CRISP1: variants seen among roughly 807,000 people sequenced by gnomAD.
CRISP1 encodes cysteine-rich secretory protein 1.
A neutral mutation model predicts 33.1 loss-of-function variants in CRISP1; 44 were observed. The ratio of observed to expected loss-of-function variants is 1.33; its 90% CI spans 1.05 to 1.71. The LOEUF is 1.71. CRISP1 is among the 40% of genes most tolerant of loss of function. CRISP1 has a pLI of 0.00. For synonymous variants in CRISP1, 103 were observed against 98.7 expected, an observed-to-expected ratio of 1.04 and a Z score of -0.26; for missense variants, 390 against 301.2, an observed-to-expected ratio of 1.29 and a Z score of -2.18.
At chr6:49,842,011 C>A (rs893880621) in intron 5 of CRISP1, among the ~76,000 whole-genome samples, 3 of 152,142 alleles carry the variant, frequency 2.0e-5, no homozygotes, top group African/African-American at 7.2e-5. Flanking sequence ...GTCCTAGAGA[C>A]TTTCCTCACA....
chr6:49,856,446 G>T lies in CRISP1; in HGVS notation c.66+889C>A, dbSNP rs559432222. 3.3e-5 allele frequency among the ~76,000 whole-genome samples: 5 copies of T among 152,134 alleles called. 1 individual carries two copies. Among genetic ancestry groups the T allele is most frequent in the Non-Finnish European group, 7.3e-5 (5 of 68,030 alleles). On this transcript the variant is annotated intron_variant, in intron 2 of 7. Coordinates refer to ENST00000335847, the MANE Select transcript of CRISP1 (RefSeq NM_001131.3). The stretch of plus-strand genomic sequence containing the variant: ...CTTATTCAGGACTCTAATTCAGGAC[G>T]CTAATTCCAGCTTACTGGAGGATTA...
At position 49,846,664 on chromosome 6, in the gene CRISP1, G is replaced by T; in HGVS notation, c.291C>A (p.Thr97=). ...TCATATGCATATTTTCTCCACAAAAGGTATCTGAAATGAGAAAACGGGCTG... is the reference window on the plus strand; with the variant it reads ...TCATATGCATATTTTCTCCACAAAATGTATCTGAAATGAGAAAACGGGCTG... ...SNPLERRLPN[T]FCGENMHMTS... The change falls in exon 5 of 8, where the codon ACC becomes ACA. Residue 97 remains threonine (T), a synonymous_variant. Transcript: ENST00000335847. 3 of 1,612,956 alleles carry T rather than the reference G, an allele frequency of 1.9e-6. No homozygotes were observed. Among genetic ancestry groups the T allele is most frequent in the Non-Finnish European group, 2.5e-6 (3 of 1,179,418 alleles).
At position 49,846,722 on chromosome 6, in the gene CRISP1, C is replaced by A; in HGVS notation, c.287-54G>T. 13 of 1,531,244 alleles carry A rather than the reference C, an allele frequency of 8.5e-6. No individual in the cohort carries two copies. In the South Asian group the frequency reaches 1.6e-4, roughly 19 times the overall value. The allele number at this position is 1,531,244 out of a possible 1,614,324, so 94.9% of individuals were successfully genotyped here. A position where few individuals can be genotyped will look rare whatever the true frequency, so the allele number is the denominator to read the frequency against. ...CTCTGAACAAATGGGAAATAGTATA[C>A]AAGGAGACTTTCCTCATTTTTATTT... On this transcript the variant is annotated intron_variant, in intron 4 of 7. Coordinates refer to ENST00000335847, the MANE Select transcript of CRISP1 (RefSeq NM_001131.3).
chr6:49,864,483 C>T lies in CRISP1; in HGVS notation c.-3+1946G>A, dbSNP rs572338187. Among the ~76,000 whole-genome samples, 6 of 151,154 alleles carry T rather than the reference C, an allele frequency of 4.0e-5. No individual in the cohort carries two copies. In the East Asian group the frequency reaches 1.2e-3, roughly 29 times the overall value. On this transcript the variant is annotated intron_variant, in intron 1 of 7. Coordinates refer to ENST00000335847, the MANE Select transcript of CRISP1 (RefSeq NM_001131.3). Reference sequence around the variant, plus strand: ...ATTGGGCTGTATGGTATACACATGTCTTCCTTTGGTAGGTATTGTCAAATA... The same window carrying T: ...ATTGGGCTGTATGGTATACACATGTTTTCCTTTGGTAGGTATTGTCAAATA...
chr6:49,842,810 G>C (rs929920217), intron 5 of CRISP1, among the ~76,000 whole-genome samples: 1 of 152,066 alleles, frequency 6.6e-6, no homozygotes, highest in Non-Finnish European at 1.5e-5. Context: ...TTCAGATCTG[G>C]GTTCTAGTCC....
chr6:49,836,891 A>G (rs866347861), intron 7 of CRISP1, among the ~76,000 whole-genome samples: 2 of 152,080 alleles, frequency 1.3e-5, no homozygotes, highest in African/African-American at 4.8e-5. Context: ...TGCCAAAGTC[A>G]TTACTCATTT....
In CRISP1 at chr6:49,857,342, G is replaced by C; in HGVS notation, c.59C>G (p.Ser20Cys). The change falls in exon 2 of 8, where the codon TCC becomes TGC. Residue 20 changes from serine to cysteine, a missense_variant. Coordinates refer to ENST00000335847, the MANE Select transcript of CRISP1 (RefSeq NM_001131.3). ...VAAACLLPMLSMKKKSARDQF... is the reference protein window; with the variant it reads ...VAAACLLPMLCMKKKSARDQF... The stretch of plus-strand genomic sequence containing the variant: ...CATCCAACCCTCACATACTTTCATG[G>C]ACAACATAGGCAGTAAGCAAGCAGC... 6.2e-7 allele frequency: 1 copy of C among 1,612,670 alleles called. No homozygotes were observed. The highest frequency in any genetic ancestry group is 8.5e-7 in the Non-Finnish European group (1 of 1,179,098).
chr6:49,859,424 A>G (rs774033022), intron 1 of CRISP1, among the ~76,000 whole-genome samples: 2 of 151,832 alleles, frequency 1.3e-5, no homozygotes, highest in Middle Eastern at 3.4e-3. Context: ...AGAAACATCC[A>G]CCTATGGATA....
Position 49,876,196 on chromosome 6 carries a change from G to GA in CRISP1, c.-3+812dup, listed in dbSNP as rs1300692293. Among the ~76,000 whole-genome samples, 7 of 151,702 alleles carry GA rather than the reference G, an allele frequency of 4.6e-5. No individual in the cohort carries two copies. In the East Asian group the frequency reaches 5.8e-4, roughly 13 times the overall value. On this transcript the variant is annotated intron_variant, in intron 1 of 7. Coordinates refer to the CRISP1 transcript ENST00000505118. ...ACAAGGAACTTAAACAAATTTGCAA[G>GA]AAAAAAACACCACCAATAAAGGTGG...
Position 49,838,483 on chromosome 6 carries a change from G to A in CRISP1, c.576C>T (p.Gly192=), listed in dbSNP as rs35289289. 7.4e-3 allele frequency: 11,928 copies of A among 1,612,898 alleles called. 716 individuals are homozygous for A. The African/African-American group carries it at 0.13, about 18-fold the overall frequency. Reference sequence around the variant, plus strand: ...TACTTGGGCAGGCTTCACATGGGACGCCTGTCTTATAAGGTTCATTCTTTG... The same window carrying A: ...TACTTGGGCAGGCTTCACATGGGACACCTGTCTTATAAGGTTCATTCTTTG... The part of the protein sequence containing the change: ...PETKNEPYKT[G]VPCEACPSNC... Residue 192 remains glycine, a synonymous_variant, in exon 7 of 8, where the codon GGC becomes GGT. Transcript: ENST00000335847.
At chr6:49,842,928 G>A (rs1771041397) in intron 5 of CRISP1, among the ~76,000 whole-genome samples, 2 of 152,040 alleles carry the variant, frequency 1.3e-5, no homozygotes, top group East Asian at 3.9e-4. Context: ...GAATTTCTCT[G>A]ATTTCATTGT....
chr6:49,838,670 T>C (rs1231680824), intron 6 of CRISP1, 145 bp from the exon 7 acceptor site: 3 of 597,188 alleles, frequency 5.0e-6, no homozygotes, highest in Non-Finnish European at 8.8e-6. Context: ...GGGTGTGAGA[T>C]TTCCAATCTT....
intron 1 of CRISP1, among the ~76,000 whole-genome samples, chr6:49,873,951 A>G (rs189394804): frequency 1.9e-3 from 283 of 152,148 alleles, no homozygotes; most frequent in African/African-American, 3.4e-3. Flanking sequence ...GAAAATTCCT[A>G]ATTAGTTGAT....
intron 1 of CRISP1, among the ~76,000 whole-genome samples, chr6:49,875,279 C>A (rs890193650): frequency 4.6e-5 from 7 of 151,808 alleles, no homozygotes; most frequent in African/African-American, 9.7e-5. Flanking sequence ...AAGAGGCAAG[C>A]AGAGGGCCAA....
At chr6:49,857,146 ATTC>A (rs1237235494) in intron 2 of CRISP1, among the ~76,000 whole-genome samples, 186 bp downstream of exon 2, 8 of 152,190 alleles carry the variant, frequency 5.3e-5, no homozygotes, top group Non-Finnish European at 4.4e-5. Flanking sequence ...CAACTTTACT[ATTC>A]TTTGGTTCTC....
intron 1 of CRISP1, among the ~76,000 whole-genome samples, chr6:49,864,375 T>C (rs1298315735): frequency 6.9e-6 from 1 of 144,868 alleles, no homozygotes; most frequent in Non-Finnish European, 1.5e-5. Flanking sequence ...TAAACACTGT[T>C]GCTATTCACT....
At chr6:49,861,158 A>G (rs113766333) in intron 1 of CRISP1, among the ~76,000 whole-genome samples, 41 of 152,290 alleles carry the variant, frequency 2.7e-4, no homozygotes, top group African/African-American at 9.1e-4. Flanking sequence ...AATTCTACCG[A>G]ATCTTCAAAG....
chr6:49,846,784 T>C (rs1310443512), intron 4 of CRISP1, 116 bp from the exon 5 acceptor site: 2 of 958,024 alleles, frequency 2.1e-6, no homozygotes, highest in Admixed American at 5.4e-5. Context: ...CAACATCTTC[T>C]GAGAGGGAGT....
intron 2 of CRISP1, among the ~76,000 whole-genome samples, chr6:49,856,019 C>A (rs1335858713): frequency 6.6e-6 from 1 of 152,118 alleles, no homozygotes; most frequent in Non-Finnish European, 1.5e-5. Flanking sequence ...TGAAAATATT[C>A]TAATAATTCT....
Sources: gnomAD v4.1 joint callset for allele counts (sites outside exome capture counted in the v4.1 genomes callset) on GRCh38, gnomAD v4.1.1 for gene constraint, MANE v1.5 for transcripts, NCBI Gene and HGNC (gene_info 2026-07-23, HGNC 2026-07-21) for gene names.